Variants in RB1CC1 observed in about 807,000 individuals in gnomAD.
The protein encoded by RB1CC1 is RB1-inducible coiled-coil protein 1.
RB1CC1 carries 46 observed loss-of-function variants against 177.5 expected under a neutral mutation model. That is an observed-to-expected ratio of 0.26 (90% CI 0.20 to 0.33). The LOEUF (loss-of-function observed/expected upper bound fraction) is 0.33. Among genes scored for constraint, RB1CC1 ranks in the 10% least tolerant of loss-of-function variants. The pLI is 1.00. For synonymous variants in RB1CC1, 666 were observed against 613.6 expected, an observed-to-expected ratio of 1.09 and a Z score of -1.26; for missense variants, 1,703 against 1,816.3, an observed-to-expected ratio of 0.94 and a Z score of 1.13.
At position 52,697,917 on chromosome 8, in the gene RB1CC1, A is replaced by G. The variant is rs185494093; in HGVS notation, c.-166-10950T>C. 3.4e-3 allele frequency among the ~76,000 whole-genome samples: 513 copies of G among 152,344 alleles called. 2 individuals carry two copies. Among genetic ancestry groups the G allele is most frequent in the Non-Finnish European group, 5.0e-3 (339 of 68,034 alleles). ...ATTTCCTTAAGCCAATAACTGTACC[A>G]TGAAATCAATTTTAGGGAAAAAATT... On this transcript the variant is annotated intron_variant, in intron 1 of 23. Coordinates refer to ENST00000025008, the MANE Select transcript of RB1CC1 (RefSeq NM_014781.5).
At chr8:52,690,802 GT>G (rs1434955293) in intron 1 of RB1CC1, among the ~76,000 whole-genome samples, 1 of 152,142 alleles carries the variant, frequency 6.6e-6, no homozygotes, top group Admixed American at 6.6e-5. Flanking sequence ...GTGAACACTT[GT>G]GTTCTATTTA....
At chr8:52,647,382 T>C (rs1387568683) in intron 15 of RB1CC1, among the ~76,000 whole-genome samples, 1 of 152,176 alleles carries the variant, frequency 6.6e-6, no homozygotes. Flanking sequence ...ATATATTCCA[T>C]AATATAATTA....
intron 8 of RB1CC1, among the ~76,000 whole-genome samples, chr8:52,666,168 TA>T (rs970294182): frequency 2.6e-5 from 4 of 151,482 alleles, no homozygotes; most frequent in Non-Finnish European, 5.9e-5. Context: ...TGATTTTTCT[TA>T]TTAAAAAAAA....
Position 52,651,775 on chromosome 8 carries a change from TAA to T in RB1CC1, c.3821+4231_3821+4232del, listed in dbSNP as rs1850608303. 2.0e-5 allele frequency among the ~76,000 whole-genome samples: 3 copies of T among 152,312 alleles called. No homozygotes were observed. The South Asian group carries it at 6.2e-4, about 32-fold the overall frequency. ...CTTGAATAGTAAAAACTACTAGCTC[TAA>T]AATATGTTAACATTTGGAAGATCTG... On this transcript the variant is annotated intron_variant, in intron 15 of 23. Coordinates refer to ENST00000025008, the MANE Select transcript of RB1CC1 (RefSeq NM_014781.5).
At chr8:52,640,584 T>C (rs376924404) in intron 18 of RB1CC1, among the ~76,000 whole-genome samples, 2 of 151,310 alleles carry the variant, frequency 1.3e-5, no homozygotes, top group African/African-American at 4.8e-5. Context: ...CTGAATCATA[T>C]TATAGTAAAC....
At chr8:52,672,953 T>G (rs547695256) in intron 7 of RB1CC1, among the ~76,000 whole-genome samples, 2 of 152,328 alleles carry the variant, frequency 1.3e-5, no homozygotes, top group Non-Finnish European at 2.9e-5. Context: ...AAGAAATGCT[T>G]AGCCTACAGA....
chr8:52,686,876 A>T lies in RB1CC1; in HGVS notation c.-75T>A, dbSNP rs896249978. Reference sequence around the variant, plus strand: ...ACCGTCAGGCACTGTGAAAAGGACTACCACTTTTCTTAAAAAGTAGATTAA... The same window carrying T: ...ACCGTCAGGCACTGTGAAAAGGACTTCCACTTTTCTTAAAAAGTAGATTAA... On this transcript the variant is annotated 5_prime_UTR_variant, in exon 2 of 24. Coordinates refer to ENST00000025008, the MANE Select transcript of RB1CC1 (RefSeq NM_014781.5). 42 of 456,280 alleles carry T rather than the reference A, an allele frequency of 9.2e-5. No homozygotes were observed. The highest frequency in any genetic ancestry group is 1.8e-4 in the Non-Finnish European group (40 of 226,896). 28.3% of individuals were successfully genotyped at this position (456,280 alleles called of 1,614,324 possible).
chr8:52,634,936 C>T lies in RB1CC1; in HGVS notation c.4425G>A (p.Arg1475=). The change falls in exon 20 of 24, where the codon CGG becomes CGA. Residue 1475 remains arginine, a synonymous_variant. Coordinates refer to ENST00000025008, the MANE Select transcript of RB1CC1 (RefSeq NM_014781.5). ...AAAATCTTACCAGTCTTTGATTTAA[C>T]CGTTTATTTTCTTCTTCTTTCAATT... ...TLQLKEEENK[R]LNQRLMSQSM... 1 of 1,608,992 alleles carries T rather than the reference C, an allele frequency of 6.2e-7. No homozygotes were observed. The highest frequency in any genetic ancestry group is 8.5e-7 in the Non-Finnish European group (1 of 1,177,116).
intron 5 of RB1CC1, among the ~76,000 whole-genome samples, chr8:52,678,079 A>G (rs551115880): frequency 2.0e-5 from 3 of 152,206 alleles, no homozygotes; most frequent in East Asian, 1.9e-4. Flanking sequence ...TAAATTTATG[A>G]TATTTCAAAA....
intron 15 of RB1CC1, among the ~76,000 whole-genome samples, chr8:52,648,415 G>A (rs1304577651): frequency 6.6e-6 from 1 of 152,150 alleles, no homozygotes; most frequent in Non-Finnish European, 1.5e-5. Context: ...CCTGCTATCA[G>A]GGGAATTAAC....
At chr8:52,668,312 G>A in intron 7 of RB1CC1, 121 bp from the exon 8 acceptor site, 2 of 1,113,956 alleles carry the variant, frequency 1.8e-6, no homozygotes, top group South Asian at 3.3e-5. Context: ...AAAAGCAAAA[G>A]CATGGGAACT....
rs150199373 is a variant in RB1CC1, at chr8:52,683,514, G to C, written c.369+35C>G. 4.1e-5 allele frequency: 61 copies of C among 1,496,904 alleles called. No individual in the cohort carries two copies. The East Asian group carries it at 1.4e-3, about 35-fold the overall frequency. The allele number at this position is 1,496,904 out of a possible 1,614,324, so 92.7% of individuals were successfully genotyped here. A position where few individuals can be genotyped will look rare whatever the true frequency, so the allele number is the denominator to read the frequency against. On this transcript the variant is annotated intron_variant, in intron 5 of 23. Coordinates refer to ENST00000025008, the MANE Select transcript of RB1CC1 (RefSeq NM_014781.5). The stretch of plus-strand genomic sequence containing the variant: ...TGCTATTTAGATCCGAATGCTTTTA[G>C]AAACAATCAGTTAAAATAATTGTTT...
At chr8:52,655,068 C>G (rs1364002818) in intron 15 of RB1CC1, among the ~76,000 whole-genome samples, 1 of 152,172 alleles carries the variant, frequency 6.6e-6, no homozygotes, top group Non-Finnish European at 1.5e-5. Context: ...TTGGCAGTGA[C>G]TCTGTTAACC....
intron 8 of RB1CC1, among the ~76,000 whole-genome samples, chr8:52,663,711 A>G (rs1851822960): frequency 6.6e-6 from 1 of 152,224 alleles, no homozygotes; most frequent in Non-Finnish European, 1.5e-5. Flanking sequence ...CAGCAACAAA[A>G]GTAACTGATG....
At chr8:52,704,120 A>G (rs1591145294) in intron 1 of RB1CC1, among the ~76,000 whole-genome samples, 1 of 152,258 alleles carries the variant, frequency 6.6e-6, no homozygotes, top group Non-Finnish European at 1.5e-5. Context: ...GGAAAGAAAT[A>G]AGAGATCTGG....
intron 7 of RB1CC1, among the ~76,000 whole-genome samples, chr8:52,672,548 G>C (rs1035942720): frequency 2.6e-5 from 4 of 152,102 alleles, no homozygotes; most frequent in African/African-American, 9.7e-5. Flanking sequence ...TCTGAGACCA[G>C]GCTAAGCAAC....
In RB1CC1 at chr8:52,676,635, A is replaced by G. The variant is rs910881783; in HGVS notation, c.370-64T>C. 9.8e-6 allele frequency: 14 copies of G among 1,435,112 alleles called. No homozygotes were observed. In the African/African-American group the frequency reaches 1.1e-4, roughly 12 times the overall value. The allele number at this position is 1,435,112 out of a possible 1,614,324, so 88.9% of individuals were successfully genotyped here. On this transcript the variant is annotated intron_variant, in intron 5 of 23. Coordinates refer to ENST00000025008, the MANE Select transcript of RB1CC1 (RefSeq NM_014781.5). ...CAATGGTTTGTTTGCAGAAGTTTGC[A>G]TATGTTTACAAACATGTACGTGTGG...
chr8:52,713,989 T>G (rs896366345), intron 1 of RB1CC1, 86 bp downstream of exon 1: 3 of 290,902 alleles, frequency 1.0e-5, no homozygotes, highest in East Asian at 1.7e-4. Flanking sequence ...CCCTGGACCA[T>G]GCGACCCCGG....
chr8:52,660,425 A>G (rs1213491152), intron 12 of RB1CC1, among the ~76,000 whole-genome samples, 171 bp downstream of exon 12: 2 of 152,248 alleles, frequency 1.3e-5, no homozygotes, highest in East Asian at 1.9e-4. Context: ...ATGAATACAA[A>G]TATCAATCTT....
Sources: gnomAD v4.1 joint callset for allele counts (sites outside exome capture counted in the v4.1 genomes callset) on GRCh38, gnomAD v4.1.1 for gene constraint, MANE v1.5 for transcripts, NCBI Gene and HGNC (gene_info 2026-07-23, HGNC 2026-07-21) for gene names.